EDIL3: variants seen among roughly 807,000 people sequenced by gnomAD.
EDIL3 encodes EGF like and discoidin domains 3.
Under a neutral mutation model 67.4 loss-of-function variants are expected in EDIL3, and 37 were observed. The observed-to-expected ratio is 0.55, with a 90% CI of 0.42 to 0.72. EDIL3 has a LOEUF of 0.72. Among genes scored for constraint, EDIL3 ranks in the 30% least tolerant of loss-of-function variants. EDIL3 has a pLI of 0.00. For missense variants in EDIL3, 527 were observed against 586.3 expected (o/e 0.90, Z 1.04); for synonymous variants, 195 against 196.3 (o/e 0.99, Z 0.05).
intron 6 of EDIL3, chr5:84,078,964 TCAGCCCCACCCCTG>T (rs1027333976): frequency 6.6e-6 from 1 of 152,198 alleles, no homozygotes; most frequent in Admixed American, 6.5e-5. Context: ...GGTTGGAACT[TCAGCCCCACCCCTG>T]CCCCGTCCTC....
chr5:84,039,819 T>C (rs1561411714), intron 9 of EDIL3, among the ~76,000 whole-genome samples: 6 of 151,844 alleles, frequency 4.0e-5, no homozygotes, highest in Non-Finnish European at 8.8e-5. Flanking sequence ...AGTATAATAA[T>C]AATAAAATAA....
At chr5:84,129,078 T>C (rs1316349055) in intron 5 of EDIL3, among the ~76,000 whole-genome samples, 2 of 152,166 alleles carry the variant, frequency 1.3e-5, no homozygotes, top group Non-Finnish European at 1.5e-5. Context: ...TAAGGTACAG[T>C]AGGTGAACCT....
rs931853014 is a variant in EDIL3, at chr5:84,061,677, A to C, written c.953-1193T>G. Among the ~76,000 whole-genome samples, 5 of 152,150 alleles carry C rather than the reference A, an allele frequency of 3.3e-5. No individual in the cohort carries two copies. In the East Asian group the frequency reaches 7.7e-4, roughly 23 times the overall value. On this transcript the variant is annotated intron_variant, in intron 8 of 10. Coordinates refer to ENST00000296591, the MANE Select transcript of EDIL3 (RefSeq NM_005711.5). The stretch of plus-strand genomic sequence containing the variant: ...GGTGATAATAATAGAAACTACCTCA[A>C]GGAAGTATTCTAAGAAATTACTTAA...
Position 84,347,105 on chromosome 5 carries a change from A to G in EDIL3, c.67+37203T>C, listed in dbSNP as rs544903764. Reference sequence around the variant, plus strand: ...ATTCAAACTTCCCAGGTAAGCCTTGACTTCTTCATCTATATATTTAGGAGG... The same window carrying G: ...ATTCAAACTTCCCAGGTAAGCCTTGGCTTCTTCATCTATATATTTAGGAGG... On this transcript the variant is annotated intron_variant, in intron 1 of 10. Transcript: ENST00000296591. Among the ~76,000 whole-genome samples, 9 of 152,272 alleles carry G rather than the reference A, an allele frequency of 5.9e-5. No homozygotes were observed. The East Asian group carries it at 7.7e-4, about 13-fold the overall frequency.
Position 84,358,592 on chromosome 5 carries a change from CTTTTTTTTTTTT to C in EDIL3, c.67+25704_67+25715del, listed in dbSNP as rs756013675. Among the ~76,000 whole-genome samples the C allele has an allele frequency of 1.9e-4, 18 of 94,570 alleles. 2 individuals carry two copies. Among genetic ancestry groups the C allele is most frequent in the Admixed American group, 1.6e-3 (14 of 8,942 alleles). 62.0% of individuals were successfully genotyped at this position (94,570 alleles called of 152,430 possible). ...GCATAAGACAGTATTCATTTTTATCCTTTTTTTTTTTTTTTTTTTTTTTTTTTTTGAGACAGA... is the reference window on the plus strand; with the variant it reads ...GCATAAGACAGTATTCATTTTTATCCTTTTTTTTTTTTTTTTTGAGACAGA... On this transcript the variant is annotated intron_variant, in intron 1 of 10. Transcript: ENST00000296591.
At chr5:84,018,017 C>A (rs909945639) in intron 9 of EDIL3, among the ~76,000 whole-genome samples, 1 of 152,164 alleles carries the variant, frequency 6.6e-6, no homozygotes, top group Non-Finnish European at 1.5e-5. Flanking sequence ...CATGACCTTT[C>A]TTTCGCCATC....
chr5:84,254,287 T>C (rs902647344), intron 1 of EDIL3, 75 bp from the exon 2 acceptor site: 7 of 1,481,182 alleles, frequency 4.7e-6, no homozygotes, highest in Non-Finnish European at 3.6e-6. Context: ...TTTACTTTGC[T>C]ATGGATGTTC....
At chr5:84,160,612 A>C (rs1016957121) in intron 4 of EDIL3, among the ~76,000 whole-genome samples, 2 of 152,110 alleles carry the variant, frequency 1.3e-5, no homozygotes, top group East Asian at 3.9e-4. Context: ...AATGAATCAA[A>C]GCTTATTCAG....
At position 84,230,112 on chromosome 5, in the gene EDIL3, T is replaced by C. The variant is rs567457158; in HGVS notation, c.197-228A>G. Among the ~76,000 whole-genome samples the C allele has an allele frequency of 3.3e-5, 5 of 152,312 alleles. No homozygotes were observed. The East Asian group carries it at 9.7e-4, about 29-fold the overall frequency. Reference sequence around the variant, plus strand: ...TATTCACATTAAATAAAAACATATGTGCTCCTATACTTTAAAATATCTATT... The same window carrying C: ...TATTCACATTAAATAAAAACATATGCGCTCCTATACTTTAAAATATCTATT... On this transcript the variant is annotated intron_variant, in intron 2 of 10. Transcript: ENST00000296591.
At chr5:84,096,854 C>T (rs368416011) in intron 6 of EDIL3, among the ~76,000 whole-genome samples, 51 of 152,192 alleles carry the variant, frequency 3.4e-4, no homozygotes, top group African/African-American at 1.2e-3. Context: ...ATCATGGGAG[C>T]GGGTCTTTCC....
chr5:84,142,807 A>G (rs1051621517), intron 4 of EDIL3, among the ~76,000 whole-genome samples: 9 of 150,804 alleles, frequency 6.0e-5, no homozygotes, highest in African/African-American at 2.2e-4. Context: ...AAAGGAGACA[A>G]TGATAGACGG....
intron 10 of EDIL3, among the ~76,000 whole-genome samples, chr5:83,954,405 G>A (rs1053711517): frequency 6.6e-6 from 1 of 151,640 alleles, no homozygotes; most frequent in Non-Finnish European, 1.5e-5. Context: ...ATGGCTTGGT[G>A]CCCTCCCTAT....
intron 9 of EDIL3, among the ~76,000 whole-genome samples, chr5:83,999,237 A>C (rs73143996): frequency 0.13 from 19,787 of 152,096 alleles, 3,241 homozygotes; most frequent in African/African-American, 0.39. Flanking sequence ...AATGCCCAGA[A>C]ATCGATGAAC....
At chr5:84,142,597 T>C (rs1303275784) in intron 4 of EDIL3, among the ~76,000 whole-genome samples, 1 of 152,024 alleles carries the variant, frequency 6.6e-6, no homozygotes, top group Admixed American at 6.6e-5. Flanking sequence ...TTAGATATTT[T>C]GAATACTGAC....
intron 1 of EDIL3, among the ~76,000 whole-genome samples, chr5:84,303,814 G>C (rs1191824820): frequency 0.018 from 1,603 of 88,812 alleles, 14 homozygotes; most frequent in Middle Eastern, 0.025. Context: ...CTCTCTGTGT[G>C]TGTGTGTGTG....
intron 9 of EDIL3, among the ~76,000 whole-genome samples, chr5:84,015,295 T>C (rs996596116): frequency 2.0e-5 from 3 of 152,198 alleles, no homozygotes; most frequent in African/African-American, 7.2e-5. Context: ...AAAAGTCATC[T>C]AGTTCAAAGG....
intron 6 of EDIL3, among the ~76,000 whole-genome samples, chr5:84,070,880 T>C (rs756936841): frequency 7.2e-5 from 11 of 151,918 alleles, no homozygotes; most frequent in Non-Finnish European, 1.3e-4. Context: ...GTAGCTGGGG[T>C]TTATTGAGGG....
At chr5:84,208,573 G>A (rs1744038778) in intron 3 of EDIL3, among the ~76,000 whole-genome samples, 1 of 150,806 alleles carries the variant, frequency 6.6e-6, no homozygotes, top group Non-Finnish European at 1.5e-5. Flanking sequence ...CAGCTACTCG[G>A]GAGGCTGAGG....
At chr5:84,185,546 T>C (rs1255116210) in intron 3 of EDIL3, among the ~76,000 whole-genome samples, 1 of 152,178 alleles carries the variant, frequency 6.6e-6, no homozygotes, top group East Asian at 1.9e-4. Flanking sequence ...ACATTTTGAA[T>C]AAACAAGGAT....
Sources: allele counts gnomAD v4.1 joint callset (sites outside exome capture counted in the v4.1 genomes callset), GRCh38; gene constraint gnomAD v4.1.1; transcripts MANE v1.5; gene names NCBI Gene and HGNC (gene_info 2026-07-23, HGNC 2026-07-21).